GAL3ST1: variants seen among roughly 807,000 people sequenced by gnomAD.
The protein encoded by GAL3ST1 is galactosylceramide sulfotransferase.
In GAL3ST1, 13 loss-of-function variants were observed where a neutral mutation model predicts 25.0. The ratio of observed to expected loss-of-function variants is 0.52; its 90% CI spans 0.34 to 0.83. GAL3ST1 has a LOEUF of 0.83. GAL3ST1 is among the 40% of genes least tolerant of loss of function. The pLI is 0.02. For missense variants in GAL3ST1, 474 were observed against 613.6 expected, an observed-to-expected ratio of 0.77 and a Z score of 2.40; for synonymous variants, 274 against 277.8, an observed-to-expected ratio of 0.99 and a Z score of 0.14.
intron 1 of GAL3ST1, among the ~76,000 whole-genome samples, chr22:30,566,988 A>T (rs1337535779): frequency 6.9e-6 from 1 of 145,896 alleles, no homozygotes. Flanking sequence ...ACAGGGTCTC[A>T]CTCTGTTGCC....
intron 1 of GAL3ST1, among the ~76,000 whole-genome samples, chr22:30,568,549 A>G (rs1251318099): frequency 6.6e-6 from 1 of 152,192 alleles, no homozygotes; most frequent in Non-Finnish European, 1.5e-5. Flanking sequence ...GAAAACGAGA[A>G]CTGTATTAAG....
intron 1 of GAL3ST1, among the ~76,000 whole-genome samples, chr22:30,562,474 C>T (rs1172570615): frequency 6.6e-6 from 1 of 152,194 alleles, no homozygotes; most frequent in East Asian, 1.9e-4. Flanking sequence ...TGCCCTAAGG[C>T]TGTGAGACTG....
rs540291729 is a variant in GAL3ST1 at position 30,568,007 on chromosome 22, C to T, written c.-120+6459G>A. Reference sequence around the variant, plus strand: ...CCGTGATAGTTTTAAATTGATCCATCCCACAGGTATTTACTGGGCACCTGC... The same window carrying T: ...CCGTGATAGTTTTAAATTGATCCATTCCACAGGTATTTACTGGGCACCTGC... On this transcript the variant is annotated intron_variant, in intron 1 of 3. Transcript: ENST00000406361. Among the ~76,000 whole-genome samples the T allele has an allele frequency of 4.9e-4, 75 of 152,262 alleles. 1 individual carries two copies. In the South Asian group the frequency reaches 8.9e-3, roughly 18 times the overall value.
intron 3 of GAL3ST1, 37 bp from the exon 4 acceptor site, chr22:30,556,130 G>T (rs1453753803): frequency 6.5e-7 from 1 of 1,528,898 alleles, no homozygotes; most frequent in Non-Finnish European, 8.9e-7. Flanking sequence ...GCCTCAGGGG[G>T]GTGCTGGGGC....
chr22:30,565,733 G>A (rs2086600373), intron 1 of GAL3ST1, among the ~76,000 whole-genome samples: 1 of 152,158 alleles, frequency 6.6e-6, no homozygotes, highest in Non-Finnish European at 1.5e-5. Context: ...GGCAGTTCTA[G>A]GTGCCCTGGC....
At chr22:30,567,400 G>A (rs371711006) in intron 1 of GAL3ST1, among the ~76,000 whole-genome samples, 4 of 151,960 alleles carry the variant, frequency 2.6e-5, no homozygotes, top group African/African-American at 9.7e-5. Context: ...AGCCTCCCAG[G>A]TAGCTGGGAC....
chr22:30,571,629 C>T (rs528173618), intron 1 of GAL3ST1, among the ~76,000 whole-genome samples: 20 of 152,142 alleles, frequency 1.3e-4, no homozygotes, highest in Non-Finnish European at 2.5e-4. Context: ...TTTGGGAGGC[C>T]GAGGCGGGCA....
chr22:30,556,709 G>A (rs923297297), intron 3 of GAL3ST1, among the ~76,000 whole-genome samples: 2 of 152,110 alleles, frequency 1.3e-5, no homozygotes, highest in Admixed American at 1.3e-4. Context: ...GCTCTATGAG[G>A]AAGGCTCTGG....
At chr22:30,567,430 G>A (rs544236597) in intron 1 of GAL3ST1, among the ~76,000 whole-genome samples, 5 of 152,008 alleles carry the variant, frequency 3.3e-5, no homozygotes, top group East Asian at 3.9e-4. Context: ...GCACCACCAC[G>A]CCTGGCTAAT....
intron 3 of GAL3ST1, 38 bp from the exon 4 acceptor site, chr22:30,556,131 G>A: frequency 6.6e-7 from 1 of 1,523,722 alleles, no homozygotes; most frequent in Non-Finnish European, 8.9e-7. Context: ...CCTCAGGGGG[G>A]TGCTGGGGCC....
At chr22:30,573,566 G>A (rs762090496) in intron 1 of GAL3ST1, among the ~76,000 whole-genome samples, 3 of 152,204 alleles carry the variant, frequency 2.0e-5, no homozygotes, top group African/African-American at 7.2e-5. Flanking sequence ...GGAAGAGATT[G>A]GGTTTTCCCA....
In GAL3ST1 at chr22:30,570,977, TACACACAC is replaced by T. The variant is rs67031445; in HGVS notation, c.-120+3481_-120+3488del. The stretch of plus-strand genomic sequence containing the variant: ...GGAACATATTTTGATTCTGTGATGA[TACACACAC>T]ACACACACACACACACACACACACA... On this transcript the variant is annotated intron_variant, in intron 1 of 3. Coordinates refer to ENST00000406361, the MANE Select transcript of GAL3ST1 (RefSeq NM_001318104.2). Among the ~76,000 whole-genome samples the T allele has an allele frequency of 4.7e-3, 684 of 146,154 alleles. 3 individuals are homozygous for T. The highest frequency in any genetic ancestry group is 0.021 in the Middle Eastern group (6 of 284).
intron 2 of GAL3ST1, chr22:30,557,704 A>G (rs2086125289): frequency 3.6e-6 from 1 of 277,718 alleles, no homozygotes; most frequent in East Asian, 6.3e-5. Flanking sequence ...CAAACTTTCC[A>G]CTCCTTTTAA....
chr22:30,562,562 C>T (rs1316302576), intron 1 of GAL3ST1, among the ~76,000 whole-genome samples: 7 of 152,280 alleles, frequency 4.6e-5, no homozygotes, highest in South Asian at 4.2e-4. Context: ...CTTGGTTCAC[C>T]GGCGTGCCAG....
chr22:30,556,495 T>C (rs2086035282), intron 3 of GAL3ST1, among the ~76,000 whole-genome samples: 1 of 152,106 alleles, frequency 6.6e-6, no homozygotes. Flanking sequence ...ACCACTGGTA[T>C]TGCACCAGCT....
At chr22:30,565,612 T>C (rs1202333689) in intron 1 of GAL3ST1, among the ~76,000 whole-genome samples, 1 of 152,116 alleles carries the variant, frequency 6.6e-6, no homozygotes, top group Non-Finnish European at 1.5e-5. Flanking sequence ...TCAGAGAGGG[T>C]GTCCTGCCTC....
chr22:30,567,133 A>G (rs2086649539), intron 1 of GAL3ST1, among the ~76,000 whole-genome samples: 1 of 151,844 alleles, frequency 6.6e-6, no homozygotes, highest in Non-Finnish European at 1.5e-5. Flanking sequence ...AAACTTTTTC[A>G]ATGATAAAAG....
Position 30,555,365 on chromosome 22 carries a change from G to A in GAL3ST1, c.860C>T (p.Pro287Leu), listed in dbSNP as rs1206517480. 6.2e-7 allele frequency: 1 copy of A among 1,608,422 alleles called. No homozygotes were observed. The highest frequency in any genetic ancestry group is 8.5e-7 in the Non-Finnish European group (1 of 1,179,760). Reference sequence around the variant, plus strand: ...CCCATACAGCTCCCCCGAGAGCCGCGGCACGGGCGAGTCGCGGCGGGCGTT... The same window carrying A: ...CCCATACAGCTCCCCCGAGAGCCGCAGCACGGGCGAGTCGCGGCGGGCGTT... ...KLNARRDSPV[P>L]RLSGELYGRA... Residue 287 changes from proline to leucine, a missense_variant, in exon 4 of 4, where the codon CCG becomes CTG. Transcript: ENST00000406361. This position sits in a 1 kb window ranked among gnomAD's most constrained non-coding sequence, Gnocchi z 8.6.
chr22:30,567,975 G>A (rs1048315435), intron 1 of GAL3ST1, among the ~76,000 whole-genome samples: 2 of 152,136 alleles, frequency 1.3e-5, no homozygotes, highest in Non-Finnish European at 2.9e-5. Context: ...GAGCCACCGC[G>A]CCCAGCCCGT....
Sources: allele counts gnomAD v4.1 joint callset (sites outside exome capture counted in the v4.1 genomes callset), GRCh38; gene constraint gnomAD v4.1.1; non-coding constraint Gnocchi (gnomAD v3.1); transcripts MANE v1.5; gene names NCBI Gene and HGNC (gene_info 2026-07-23, HGNC 2026-07-21).